Variants in UBR4 observed in about 807,000 individuals in gnomAD.
UBR4 encodes ubiquitin protein ligase E3 component n-recognin 4.
A neutral mutation model predicts 575.6 loss-of-function variants in UBR4; 124 were observed. The observed-to-expected ratio is 0.22, with a 90% CI of 0.19 to 0.25. UBR4 has a LOEUF of 0.25. Ranked by LOEUF, UBR4 falls within the 10% of genes least tolerant of loss-of-function variation. The probability of loss-of-function intolerance (pLI) is 1.00; values close to 1 mark genes in which losing one functional copy is unlikely to be tolerated. For missense variants in UBR4, 4,818 were observed against 6,478.8 expected, an observed-to-expected ratio of 0.74 and a Z score of 8.80; for synonymous variants, 2,455 against 2,473.7, an observed-to-expected ratio of 0.99 and a Z score of 0.22.
Position 19,210,078 on chromosome 1 carries a change from G to C in UBR4, c.171C>G (p.Ile57Met), listed in dbSNP as rs550831973. The C allele has an allele frequency of 5.8e-6, 9 of 1,564,004 alleles. No homozygotes were observed. The highest frequency in any genetic ancestry group is 7.8e-6 in the Non-Finnish European group (9 of 1,157,410). ...KELPQLVASV[I>M]ESESEILHHE... is the part of the protein sequence containing the mutation. The stretch of plus-strand genomic sequence containing the variant: ...CCAGAGCCGCCGCCCGGTACCTCTC[G>C]ATGACTGAGGCCACCAGCTGCGGCA... The change falls in exon 1 of 106, where the codon ATC becomes ATG. Residue 57 changes from isoleucine to methionine, a missense_variant. Ile to Met is a conservative substitution (Grantham distance 10, BLOSUM62 1). Transcript: ENST00000375254.
rs764226887 is a variant in UBR4 at position 19,086,640 on chromosome 1, G to A, written c.14687+39C>T. 1.7e-5 allele frequency: 27 copies of A among 1,607,758 alleles called. No homozygotes were observed. The Admixed American group carries it at 4.5e-4, about 27-fold the overall frequency. On this transcript the variant is annotated intron_variant, in intron 100 of 105. Transcript: ENST00000375254. The stretch of plus-strand genomic sequence containing the variant: ...CCACCCGCTCCAGGCCCACAGGCAG[G>A]CCTACTGAAGGAGCCATTCCGCAAG...
At chr1:19,175,134 C>T in intron 20 of UBR4, 101 bp from the exon 21 acceptor site, 1 of 1,088,974 alleles carries the variant, frequency 9.2e-7, no homozygotes, top group Non-Finnish European at 1.3e-6. Flanking sequence ...TAAGGTTTCC[C>T]AACCTTAACA....
Position 19,198,060 on chromosome 1 carries a change from A to G in UBR4, c.649-11T>C. ...ATTTTCTCCTTCCACCTGAAAAGAA[A>G]CATAAGGCCTGTCAAGATACTATTA... is the stretch of plus-strand genomic sequence containing the variant. On this transcript the variant is annotated splice_polypyrimidine_tract_variant and intron_variant, in intron 5 of 105. Transcript: ENST00000375254. 6.2e-7 allele frequency: 1 copy of G among 1,612,390 alleles called. No individual in the cohort carries two copies. Among genetic ancestry groups the G allele is most frequent in the Non-Finnish European group, 8.5e-7 (1 of 1,179,264 alleles).
rs1054720431 is a variant in UBR4, at chr1:19,161,288, C to A, written c.5176-141G>T. On this transcript the variant is annotated intron_variant, in intron 37 of 105. Coordinates refer to ENST00000375254, the MANE Select transcript of UBR4 (RefSeq NM_020765.3). ...GTTATCCAAAAGCCTAAATTCTGAT[C>A]TTCATAGTATTCACCTAATATCTAA... The A allele has an allele frequency of 7.3e-6, 6 of 824,476 alleles. No individual in the cohort carries two copies. The African/African-American group carries it at 8.6e-5, about 12-fold the overall frequency. The allele number at this position is 824,476 out of a possible 1,614,324, so 51.1% of individuals were successfully genotyped here.
At position 19,156,358 on chromosome 1, in the gene UBR4, C is replaced by T. The variant is rs2086452057; in HGVS notation, c.5985G>A (p.Gln1995=). 3.1e-6 allele frequency: 5 copies of T among 1,614,060 alleles called. No individual in the cohort carries two copies. Among genetic ancestry groups the T allele is most frequent in the Admixed American group, 1.7e-5 (1 of 60,002 alleles). ...SVSDHLVLHP[Q]LATGNFIIKA... The stretch of plus-strand genomic sequence containing the variant: ...TGATGATGAAGTTCCCCGTTGCCAA[C>T]TGAGGGTGCAAAACCAAGTGATCCG... Residue 1995 remains glutamine, a synonymous_variant, in exon 42 of 106, where the codon CAG becomes CAA. Transcript: ENST00000375254.
intron 11 of UBR4, among the ~76,000 whole-genome samples, chr1:19,191,854 A>T (rs1002288192): frequency 6.6e-5 from 10 of 152,242 alleles, no homozygotes; most frequent in Non-Finnish European, 4.4e-5. Context: ...TTATACACGC[A>T]AGTACTCAAC....
In UBR4 at chr1:19,161,374, T is replaced by G. The variant is rs114222218; in HGVS notation, c.5175+215A>C. Among the ~76,000 whole-genome samples the G allele has an allele frequency of 4.7e-3, 713 of 152,326 alleles. 5 individuals carry two copies. The highest frequency in any genetic ancestry group is 0.016 in the African/African-American group (662 of 41,572). On this transcript the variant is annotated intron_variant, in intron 37 of 105. Coordinates refer to ENST00000375254, the MANE Select transcript of UBR4 (RefSeq NM_020765.3). ...AACGTGTGAAATTGTGGGGAGGTCT[T>G]AGGAAAAACGAACTACAAGATCTCT... is the stretch of plus-strand genomic sequence containing the variant.
chr1:19,105,292 TG>T (rs1174569117), intron 84 of UBR4, 103 bp from the exon 85 acceptor site: 1 of 1,357,312 alleles, frequency 7.4e-7, no homozygotes, highest in East Asian at 2.4e-5. Context: ...TTCTGCTGTC[TG>T]TCTCTCCTGC....
intron 1 of UBR4, among the ~76,000 whole-genome samples, chr1:19,209,071 A>C (rs1460573477): frequency 6.6e-6 from 1 of 152,232 alleles, no homozygotes; most frequent in Admixed American, 6.5e-5. Flanking sequence ...CAAGTCTACA[A>C]CAAGAAAAAG....
chr1:19,137,125 C>T (rs2083286830), intron 60 of UBR4, among the ~76,000 whole-genome samples: 1 of 151,990 alleles, frequency 6.6e-6, no homozygotes, highest in African/African-American at 2.4e-5. Flanking sequence ...CAGGGCAAAA[C>T]TCCATCTCTA....
At position 19,129,016 on chromosome 1, in the gene UBR4, G is replaced by C. The variant is rs1432553211; in HGVS notation, c.8965C>G (p.Arg2989Gly). 2 of 1,613,942 alleles carry C rather than the reference G, an allele frequency of 1.2e-6. No individual in the cohort carries two copies. The highest frequency in any genetic ancestry group is 1.7e-6 in the Non-Finnish European group (2 of 1,179,988). The part of the protein sequence containing the change: ...ERLLQTLPQL[R>G]NVGGVRAIPY... ...ATGGCCCGGACACCGCCAACGTTTC[G>C]TAATTGAGGCAGGGTCTGCAGTAAT... The change falls in exon 61 of 106, where the codon CGA (arginine) becomes GGA (glycine). Residue 2989 changes from arginine to glycine, a missense_variant. Arg to Gly is a moderately radical substitution (Grantham distance 125). Transcript: ENST00000375254.
chr1:19,204,894 A>G (rs2092930973), intron 1 of UBR4, among the ~76,000 whole-genome samples: 1 of 152,208 alleles, frequency 6.6e-6, no homozygotes, highest in Admixed American at 6.5e-5. Flanking sequence ...CCTCACCCTC[A>G]TGCCCTGAGA....
rs1444066552 is a variant in UBR4, at chr1:19,192,223, C to A, written c.1359G>T (p.Glu453Asp). ...RVRDILSRTK[E>D]GVGSPKLGPG... ...GCCCCAGTTTAGGGGAGCCCACTCC[C>A]TCTTTAGTACGAGAAAGGATGTCTC... Residue 453 changes from glutamate (E) to aspartate (D), a missense_variant, in exon 11 of 106, where the codon GAG becomes GAT. Glu to Asp is a conservative substitution (Grantham distance 45, BLOSUM62 2). This residue lies in a region of UBR4 where 162 missense variants were observed against 216.4 expected (regional missense o/e 0.75). Coordinates refer to ENST00000375254, the MANE Select transcript of UBR4 (RefSeq NM_020765.3). 6.2e-7 allele frequency: 1 copy of A among 1,614,168 alleles called. No homozygotes were observed.
intron 8 of UBR4, among the ~76,000 whole-genome samples, chr1:19,194,298 T>A (rs978320461): frequency 2.0e-5 from 3 of 152,144 alleles, no homozygotes; most frequent in Non-Finnish European, 4.4e-5. Flanking sequence ...AAGGAGGATA[T>A]GCGAACTCTA....
Position 19,173,053 on chromosome 1 carries a change from T to C in UBR4, c.3332A>G (p.Gln1111Arg). Residue 1111 changes from glutamine (Q) to arginine (R), a missense_variant, in exon 25 of 106, where the codon CAG becomes CGG. By Grantham distance (43) the Gln-to-Arg change is conservative. Transcript: ENST00000375254. ...CTGCAGACTGGGAATTTCATGCAGC[T>C]GCAAGATGGTGGTACAGTCGATACT... Reference protein sequence around the residue: ...FCSIDCTTILQLHEIPSLQSI... With the variant: ...FCSIDCTTILRLHEIPSLQSI... 6.2e-7 allele frequency: 1 copy of C among 1,614,202 alleles called. No individual in the cohort carries two copies. Among genetic ancestry groups the C allele is most frequent in the Non-Finnish European group, 8.5e-7 (1 of 1,180,040 alleles).
At chr1:19,122,125 T>G in intron 66 of UBR4, 113 bp from the exon 67 acceptor site, 2 of 1,025,686 alleles carry the variant, frequency 1.9e-6, no homozygotes, top group Non-Finnish European at 3.0e-6. Context: ...CTGAACATGA[T>G]CTTCTGAGCA....
chr1:19,192,304 A>ACT lies in UBR4; in HGVS notation c.1277_1278insAG (p.Thr427ValfsTer49). ...CTTTCCCCTTATCAGCCAACGCAGT[A>ACT]GGACTGAGGTTCAGTATGAGGAAAA... On this transcript the variant is annotated frameshift_variant, in exon 11 of 106. Transcript: ENST00000375254. LOFTEE classifies it high-confidence loss of function. The ACT allele has an allele frequency of 6.2e-7, 1 of 1,614,050 alleles. No individual in the cohort carries two copies. The highest frequency in any genetic ancestry group is 1.3e-5 in the African/African-American group (1 of 74,922).
At chr1:19,083,451 G>A (rs1235878866) in intron 102 of UBR4, among the ~76,000 whole-genome samples, 1 of 152,202 alleles carries the variant, frequency 6.6e-6, no homozygotes, top group Non-Finnish European at 1.5e-5. Context: ...CTTTCAACAG[G>A]GAACCGTAAG....
intron 97 of UBR4, 66 bp downstream of exon 97, chr1:19,092,753 C>A: frequency 7.4e-7 from 1 of 1,351,158 alleles, no homozygotes. Flanking sequence ...AGTCATGTCT[C>A]AAGGTAAACT....
Sources: allele counts gnomAD v4.1 joint callset (sites outside exome capture counted in the v4.1 genomes callset), GRCh38; gene constraint gnomAD v4.1.1; regional missense constraint gnomAD v4.1.1; transcripts MANE v1.5; gene names NCBI Gene and HGNC (gene_info 2026-07-23, HGNC 2026-07-21).